The following TARBP1 variants were observed in gnomAD, a reference collection of about 807,000 sequenced individuals.
TARBP1 encodes tRNA guanosine 2 -O-methyltransferase TARBP1, also known as tRNA (guanosine(18)-2'-O)-methyltransferase TARBP1.
TARBP1 carries 144 observed loss-of-function variants against 178.6 expected under a neutral mutation model. That is an observed-to-expected ratio of 0.81 (90% confidence interval 0.70 to 0.93). The LOEUF (loss-of-function observed/expected upper bound fraction) is 0.93. Among genes scored for constraint, TARBP1 ranks in the 40% least tolerant of loss-of-function variants. The pLI is 0.00. For synonymous variants in TARBP1, 787 were observed against 781.0 expected, an observed-to-expected ratio of 1.01 and a Z score of -0.13; for missense variants, 2,067 against 2,011.7, an observed-to-expected ratio of 1.03 and a Z score of -0.53.
chr1:234,467,733 A>G (rs773001417), intron 3 of TARBP1, 83 bp from the exon 4 acceptor site: 103 of 1,294,124 alleles, frequency 8.0e-5, no homozygotes, highest in Non-Finnish European at 9.8e-5. Flanking sequence ...ATAATGTACA[A>G]ACACACACAA....
At chr1:234,441,254 C>T (rs1432496317) in intron 12 of TARBP1, among the ~76,000 whole-genome samples, 1 of 152,126 alleles carries the variant, frequency 6.6e-6, no homozygotes, top group African/African-American at 2.4e-5. Context: ...CAATTCTCCA[C>T]AAACTGATCT....
At chr1:234,454,470 G>GA (rs1459440808) in intron 9 of TARBP1, among the ~76,000 whole-genome samples, 7 of 152,118 alleles carry the variant, frequency 4.6e-5, no homozygotes, top group African/African-American at 1.7e-4. Flanking sequence ...GACAGGAAGG[G>GA]AGAGTAGGAG....
At chr1:234,435,231 C>A (rs1247678480) in intron 13 of TARBP1, among the ~76,000 whole-genome samples, 1 of 152,188 alleles carries the variant, frequency 6.6e-6, no homozygotes, top group African/African-American at 2.4e-5. Flanking sequence ...AGGCAGATCA[C>A]CTGAGGTCAG....
At chr1:234,459,681 G>A (rs753642826) in intron 7 of TARBP1, among the ~76,000 whole-genome samples, 3 of 151,704 alleles carry the variant, frequency 2.0e-5, no homozygotes, top group South Asian at 2.1e-4. Context: ...GAGTAATGGC[G>A]CACACCTTTA....
chr1:234,453,795 C>G (rs962385165), intron 9 of TARBP1, among the ~76,000 whole-genome samples: 8 of 152,148 alleles, frequency 5.3e-5, no homozygotes, highest in African/African-American at 1.9e-4. Context: ...AAACCACCAA[C>G]TTTATAAGCC....
intron 26 of TARBP1, among the ~76,000 whole-genome samples, chr1:234,395,241 A>T (rs745439777): frequency 4.6e-5 from 7 of 152,222 alleles, no homozygotes; most frequent in Non-Finnish European, 1.0e-4. Context: ...AAAGAAAAAA[A>T]AAAATTATTC....
intron 12 of TARBP1, among the ~76,000 whole-genome samples, chr1:234,437,804 T>C (rs12096403): frequency 6.6e-6 from 1 of 152,272 alleles, no homozygotes. Flanking sequence ...GGGCGCCAGC[T>C]TTCTGGTCAG....
chr1:234,466,550 T>G (rs994201039), intron 4 of TARBP1, among the ~76,000 whole-genome samples: 10 of 134,198 alleles, frequency 7.5e-5, no homozygotes, highest in African/African-American at 2.7e-4. Flanking sequence ...AGAAATATAT[T>G]CAATCATTCT....
rs138464890 is a variant in TARBP1 at position 234,452,592 on chromosome 1, T to C, written c.1723-2026A>G. The stretch of plus-strand genomic sequence containing the variant: ...AAATGCTGAAGAGAATGTGGGGCAG[T>C]AAGAACTCTCATTCTTTGCTGGTAG... On this transcript the variant is annotated intron_variant, in intron 9 of 29. Coordinates refer to ENST00000040877, the MANE Select transcript of TARBP1 (RefSeq NM_005646.4). Among the ~76,000 whole-genome samples, 924 of 152,284 alleles carry C rather than the reference T, an allele frequency of 6.1e-3. 3 individuals carry two copies. The highest frequency in any genetic ancestry group is 0.017 in the Middle Eastern group (5 of 294).
At chr1:234,427,446 AT>A in intron 18 of TARBP1, 58 bp from the exon 19 acceptor site, 1 of 1,494,304 alleles carries the variant, frequency 6.7e-7, no homozygotes. Context: ...AAAAAATTAA[AT>A]CCCCAAGGTT....
chr1:234,456,340 A>G (rs1436431700), intron 9 of TARBP1, among the ~76,000 whole-genome samples: 2 of 152,230 alleles, frequency 1.3e-5, no homozygotes, highest in Non-Finnish European at 2.9e-5. Flanking sequence ...AGCTGAGACT[A>G]CAGGCACACA....
At chr1:234,430,891 T>C (rs1197516505) in intron 14 of TARBP1, among the ~76,000 whole-genome samples, 1 of 152,210 alleles carries the variant, frequency 6.6e-6, no homozygotes, top group Non-Finnish European at 1.5e-5. Flanking sequence ...TACTACACCT[T>C]AGTTTTCTCA....
At chr1:234,462,526 T>C in intron 6 of TARBP1, among the ~76,000 whole-genome samples, 1 of 152,012 alleles carries the variant, frequency 6.6e-6, no homozygotes, top group Admixed American at 6.6e-5. Context: ...CTGTCTCTAC[T>C]AAGAATACAA....
intron 22 of TARBP1, among the ~76,000 whole-genome samples, chr1:234,417,088 C>T (rs980931679): frequency 8.5e-5 from 13 of 152,108 alleles, no homozygotes; most frequent in Non-Finnish European, 1.5e-4. Flanking sequence ...AATGCGAAGG[C>T]GTGAAATTAA....
At chr1:234,438,737 G>A (rs537986655) in intron 12 of TARBP1, among the ~76,000 whole-genome samples, 17 of 152,232 alleles carry the variant, frequency 1.1e-4, no homozygotes, top group Admixed American at 1.1e-3. Context: ...ATAAAGACAC[G>A]GCTGAAAACT....
chr1:234,469,071 T>TGCC (rs1316766953), intron 3 of TARBP1, among the ~76,000 whole-genome samples: 2 of 17,864 alleles, frequency 1.1e-4, no homozygotes, highest in Non-Finnish European at 1.7e-4. Flanking sequence ...TTTTTTTTTT[T>TGCC]TTTTTTAAAA....
intron 24 of TARBP1, among the ~76,000 whole-genome samples, chr1:234,404,688 G>C (rs530206734): frequency 6.6e-6 from 1 of 152,126 alleles, no homozygotes; most frequent in African/African-American, 2.4e-5. Flanking sequence ...CCAGTATACA[G>C]AACTGTGCAC....
intron 20 of TARBP1, among the ~76,000 whole-genome samples, chr1:234,423,050 A>C (rs575753292): frequency 2.0e-5 from 3 of 152,212 alleles, no homozygotes; most frequent in Non-Finnish European, 4.4e-5. Context: ...GGGCCTAGGA[A>C]TATGCATTTC....
In TARBP1 at chr1:234,474,161, T is replaced by C. The variant is rs114388479; in HGVS notation, c.932-1350A>G. ...CTGGAGGCTGAGATGAGAGGATCAC[T>C]TGAGCCCAGTATTTTGAAGTTATAG... On this transcript the variant is annotated intron_variant, in intron 1 of 29. Coordinates refer to ENST00000040877, the MANE Select transcript of TARBP1 (RefSeq NM_005646.4). Among the ~76,000 whole-genome samples, 979 of 151,832 alleles carry C rather than the reference T, an allele frequency of 6.4e-3. 11 individuals carry two copies. The highest frequency in any genetic ancestry group is 0.023 in the African/African-American group (939 of 41,374).
Sources: gnomAD v4.1 joint callset for allele counts (sites outside exome capture counted in the v4.1 genomes callset) on GRCh38, gnomAD v4.1.1 for gene constraint, MANE v1.5 for transcripts, NCBI Gene and HGNC (gene_info 2026-07-23, HGNC 2026-07-21) for gene names.